The following IPO11 variants were observed in gnomAD, a reference collection of about 807,000 sequenced individuals.
IPO11 encodes the protein importin 11, also known as importin-11.
A neutral mutation model predicts 143.2 loss-of-function variants in IPO11; 66 were observed. The ratio of observed to expected loss-of-function variants is 0.46; its 90% CI spans 0.38 to 0.57. The LOEUF (loss-of-function observed/expected upper bound fraction) is 0.57, where lower values mean the gene tolerates loss of function less well. Ranked by LOEUF, IPO11 falls within the 20% of genes least tolerant of loss-of-function variation. The pLI, the probability that IPO11 is intolerant of heterozygous loss-of-function variation, is 0.00. For synonymous variants in IPO11, 385 were observed against 377.8 expected (o/e 1.02, Z -0.22); for missense variants, 1,026 against 1,141.0 (o/e 0.90, Z 1.45).
chr5:62,546,416 A>G (rs988745088), intron 24 of IPO11, among the ~76,000 whole-genome samples: 1 of 152,094 alleles, frequency 6.6e-6, no homozygotes, highest in Non-Finnish European at 1.5e-5. Context: ...CTTGGACACA[A>G]GAAGGGGAAC....
chr5:62,519,393 C>G (rs1026259491), intron 20 of IPO11, among the ~76,000 whole-genome samples: 2 of 152,160 alleles, frequency 1.3e-5, no homozygotes, highest in Non-Finnish European at 2.9e-5. Context: ...ACAGCCATAT[C>G]ATAGGTTTCT....
intron 7 of IPO11, among the ~76,000 whole-genome samples, chr5:62,470,877 G>C (rs542696042): frequency 3.2e-5 from 4 of 123,610 alleles, no homozygotes; most frequent in Non-Finnish European, 6.3e-5. Flanking sequence ...ACCCAGGCTG[G>C]AGTGCAGTGG....
intron 9 of IPO11, among the ~76,000 whole-genome samples, chr5:62,481,045 A>G (rs1160557482): frequency 1.3e-5 from 2 of 149,178 alleles, no homozygotes; most frequent in African/African-American, 5.0e-5. Context: ...CCTCCTGAGT[A>G]GCTGGGACTA....
chr5:62,443,408 T>C lies in IPO11; in HGVS notation c.239+325T>C, dbSNP rs866357426. The C allele has an allele frequency of 3.7e-4, 66 of 180,796 alleles. 1 individual carries two copies. Among genetic ancestry groups the C allele is most frequent in the Middle Eastern group, 2.3e-3 (1 of 444 alleles). 11.2% of individuals were successfully genotyped at this position (180,796 alleles called of 1,614,324 possible). On this transcript the variant is annotated intron_variant, in intron 3 of 29. Coordinates refer to ENST00000325324, the MANE Select transcript of IPO11 (RefSeq NM_016338.5). ...GTGTGTGTGTGTGTGTGTGTGTGTG[T>C]GTGTGTGTGTGTGCGTGTGTGCGTG...
intron 3 of IPO11, among the ~76,000 whole-genome samples, chr5:62,444,220 G>A (rs1052776521): frequency 1.3e-5 from 2 of 151,636 alleles, no homozygotes; most frequent in African/African-American, 4.8e-5. Flanking sequence ...AGCCTCCCGA[G>A]TAGCTGGGAC....
At chr5:62,554,521 C>T (rs146685391) in intron 26 of IPO11, among the ~76,000 whole-genome samples, 13 of 152,132 alleles carry the variant, frequency 8.5e-5, no homozygotes, top group African/African-American at 3.1e-4. Flanking sequence ...CTGGCACCAT[C>T]GTTGAAGTAA....
At chr5:62,597,505 A>C (rs886841039) in intron 28 of IPO11, among the ~76,000 whole-genome samples, 9 of 152,214 alleles carry the variant, frequency 5.9e-5, no homozygotes, top group Admixed American at 2.0e-4. Flanking sequence ...GTACTGAAAC[A>C]GCTGGATTGG....
chr5:62,454,277 G>A (rs1026529937), intron 5 of IPO11, among the ~76,000 whole-genome samples: 2 of 152,174 alleles, frequency 1.3e-5, no homozygotes, highest in South Asian at 2.1e-4. Context: ...TAAGGAAATG[G>A]ACCGTTCACT....
chr5:62,526,312 T>C, intron 21 of IPO11, 55 bp downstream of exon 21: 1 of 1,235,658 alleles, frequency 8.1e-7, no homozygotes, highest in Non-Finnish European at 1.2e-6. Context: ...CCTTTCCTAC[T>C]CTCATGCCAG....
intron 27 of IPO11, among the ~76,000 whole-genome samples, chr5:62,576,643 C>T (rs993156820): frequency 6.6e-6 from 1 of 151,190 alleles, no homozygotes; most frequent in African/African-American, 2.4e-5. Flanking sequence ...TAAGAAAAAG[C>T]ATGGTGGCAT....
intron 1 of IPO11, among the ~76,000 whole-genome samples, chr5:62,415,662 T>G (rs764433200): frequency 2.5e-4 from 38 of 151,874 alleles, no homozygotes; most frequent in Non-Finnish European, 5.1e-4. Flanking sequence ...GAGACGGGGT[T>G]TCTCCATGTT....
intron 7 of IPO11, among the ~76,000 whole-genome samples, chr5:62,471,151 A>G (rs944197483): frequency 6.5e-5 from 9 of 137,892 alleles, no homozygotes; most frequent in African/African-American, 2.3e-4. Context: ...TTTTTTTTTA[A>G]AATAAATGAA....
chr5:62,431,616 G>C (rs1318892751), intron 1 of IPO11, among the ~76,000 whole-genome samples: 1 of 152,030 alleles, frequency 6.6e-6, no homozygotes, highest in East Asian at 1.9e-4. Flanking sequence ...GATGCCAGCT[G>C]TACCACCGGC....
intron 19 of IPO11, among the ~76,000 whole-genome samples, chr5:62,514,746 A>G (rs896669798): frequency 6.6e-6 from 1 of 152,242 alleles, no homozygotes; most frequent in Non-Finnish European, 1.5e-5. Flanking sequence ...GCATCATTGT[A>G]GATCCATTTT....
At chr5:62,605,520 T>C (rs1745676268) in intron 29 of IPO11, among the ~76,000 whole-genome samples, 1 of 152,056 alleles carries the variant, frequency 6.6e-6, no homozygotes, top group Non-Finnish European at 1.5e-5. Flanking sequence ...TTCCTTTCTG[T>C]CCAGTATATT....
At chr5:62,614,556 CAG>C (rs1746056428) in intron 29 of IPO11, among the ~76,000 whole-genome samples, 1 of 152,162 alleles carries the variant, frequency 6.6e-6, no homozygotes, top group Non-Finnish European at 1.5e-5. Context: ...GGATATGCGA[CAG>C]GGGTGTGACT....
At chr5:62,565,868 G>C (rs928594900) in intron 27 of IPO11, among the ~76,000 whole-genome samples, 6 of 151,626 alleles carry the variant, frequency 4.0e-5, no homozygotes, top group African/African-American at 1.5e-4. Context: ...TTATGAGTGA[G>C]AGCATGCAGT....
At chr5:62,453,349 G>A (rs2112165092) in intron 5 of IPO11, among the ~76,000 whole-genome samples, 1 of 151,094 alleles carries the variant, frequency 6.6e-6, no homozygotes, top group East Asian at 1.9e-4. Context: ...GATTAGAGAT[G>A]CTTCATTCTT....
chr5:62,575,695 T>C (rs560200717), intron 27 of IPO11, among the ~76,000 whole-genome samples: 213 of 152,312 alleles, frequency 1.4e-3, no homozygotes, highest in Non-Finnish European at 2.2e-3. Flanking sequence ...TCTTGGAATA[T>C]CACAGGCAAA....
Sources: allele counts gnomAD v4.1 joint callset (sites outside exome capture counted in the v4.1 genomes callset), GRCh38; gene constraint gnomAD v4.1.1; transcripts MANE v1.5; gene names NCBI Gene and HGNC (gene_info 2026-07-23, HGNC 2026-07-21).